The following PEMT variants were observed in gnomAD, a reference collection of about 807,000 sequenced individuals.
The protein encoded by PEMT is phospholipid methyltransferase.
In PEMT, 23 loss-of-function variants were observed where a neutral mutation model predicts 27.4. That is an observed-to-expected ratio of 0.84 (90% CI 0.60 to 1.19). The LOEUF (loss-of-function observed/expected upper bound fraction) is 1.19. Among genes scored for constraint, PEMT ranks in the 50% most tolerant of loss-of-function variants. PEMT has a pLI of 0.00. For missense variants in PEMT, 307 were observed against 310.1 expected, an observed-to-expected ratio of 0.99 and a Z score of 0.07; for synonymous variants, 137 against 139.1, an observed-to-expected ratio of 0.98 and a Z score of 0.11.
chr17:17,536,510 C>A (rs1186106818), intron 2 of PEMT, among the ~76,000 whole-genome samples: 3 of 152,244 alleles, frequency 2.0e-5, no homozygotes, highest in Non-Finnish European at 1.5e-5. Flanking sequence ...CAGTCCCCAA[C>A]CTTCCTCCTG....
In PEMT at chr17:17,582,790, G is replaced by A. The variant is rs1390099186; in HGVS notation, c.97-5763C>T. The stretch of plus-strand genomic sequence containing the variant: ...TCTAAGTTTATTCTCTGGGCCGGGC[G>A]CGATGGCTCACCCCCGTAATCCCAG... On this transcript the variant is annotated intron_variant, in intron 1 of 6. Transcript: ENST00000255389. This position sits in a 1 kb window ranked among gnomAD's most constrained non-coding sequence, Gnocchi z 4.9. Among the ~76,000 whole-genome samples the A allele has an allele frequency of 1.3e-5, 2 of 152,180 alleles. No homozygotes were observed. Among genetic ancestry groups the A allele is most frequent in the Admixed American group, 6.5e-5 (1 of 15,272 alleles).
At chr17:17,528,650 A>G (rs1030333564) in intron 2 of PEMT, among the ~76,000 whole-genome samples, 1 of 152,192 alleles carries the variant, frequency 6.6e-6, no homozygotes, top group Middle Eastern at 3.2e-3. Context: ...GAGTCTGCCC[A>G]TGACTCCTGT....
At chr17:17,585,074 A>G (rs1912172906) in intron 1 of PEMT, among the ~76,000 whole-genome samples, 2 of 152,200 alleles carry the variant, frequency 1.3e-5, no homozygotes, top group African/African-American at 4.8e-5. Flanking sequence ...GCGGTGGCTC[A>G]CGCCTGTAAT....
intron 5 of PEMT, chr17:17,506,948 C>G: frequency 1.7e-6 from 1 of 574,716 alleles, no homozygotes; most frequent in Non-Finnish European, 3.1e-6. Context: ...CCCGGTCACC[C>G]CAGCCCAGAG....
intron 1 of PEMT, chr17:17,577,513 G>A (rs1597960597): frequency 1.0e-6 from 1 of 1,001,674 alleles, no homozygotes; most frequent in East Asian, 9.9e-5. Context: ...GTGTGAGTGG[G>A]GCGGGGTAAA....
chr17:17,576,862 T>A, intron 2 of PEMT, 58 bp downstream of exon 2: 1 of 1,366,728 alleles, frequency 7.3e-7, no homozygotes, highest in Non-Finnish European at 1.0e-6. Context: ...CCCCTGCATG[T>A]GGGGCTCACC....
At chr17:17,506,941 G>A (rs550789131) in intron 5 of PEMT, 5 of 546,796 alleles carry the variant, frequency 9.1e-6, no homozygotes, top group South Asian at 4.9e-5. Context: ...AGGAGCCCCC[G>A]GTCACCCCAG....
At chr17:17,520,596 G>C (rs553062025) in intron 3 of PEMT, among the ~76,000 whole-genome samples, 12 of 152,368 alleles carry the variant, frequency 7.9e-5, no homozygotes, top group African/African-American at 2.6e-4. Flanking sequence ...AGGCTGTGCA[G>C]ACGCACAGGC....
chr17:17,578,933 A>T (rs957889841), intron 1 of PEMT, among the ~76,000 whole-genome samples: 15 of 152,306 alleles, frequency 9.8e-5, no homozygotes, highest in African/African-American at 2.2e-4. Flanking sequence ...AATAATAAAA[A>T]TTTTTTTAAA....
intron 2 of PEMT, among the ~76,000 whole-genome samples, chr17:17,525,983 A>C (rs1370210091): frequency 7.3e-6 from 1 of 137,226 alleles, no homozygotes; most frequent in Non-Finnish European, 1.6e-5. Flanking sequence ...GACAGAGCGA[A>C]ACTCTGTATC....
intron 2 of PEMT, among the ~76,000 whole-genome samples, chr17:17,529,185 T>G (rs1597894362): frequency 6.6e-6 from 1 of 152,308 alleles, no homozygotes; most frequent in African/African-American, 2.4e-5. Context: ...CCCTCTGCTC[T>G]GCACACGCTA....
At chr17:17,581,236 C>T (rs576068930) in intron 1 of PEMT, among the ~76,000 whole-genome samples, 12 of 152,304 alleles carry the variant, frequency 7.9e-5, no homozygotes, top group African/African-American at 2.6e-4. Context: ...CGATGTTAGT[C>T]ACCTTAGCTG....
chr17:17,507,256 A>G (rs1219540719), intron 5 of PEMT: 2 of 1,425,250 alleles, frequency 1.4e-6, no homozygotes, highest in African/African-American at 2.9e-5. Context: ...GGAGGAAAGG[A>G]GCTGTCTGGC....
At position 17,561,855 on chromosome 17, in the gene PEMT, C is replaced by T. The variant is rs1282661803; in HGVS notation, c.204+15065G>A. Reference sequence around the variant, plus strand: ...CCTCACGCGGACGCCCCACGTGCGGCCTGACCCACAGGAAGTCCAGTCATA... The same window carrying T: ...CCTCACGCGGACGCCCCACGTGCGGTCTGACCCACAGGAAGTCCAGTCATA... On this transcript the variant is annotated intron_variant, in intron 2 of 6. Coordinates refer to ENST00000255389, the MANE Select transcript of PEMT (RefSeq NM_148172.3). This position sits in a 1 kb window ranked among gnomAD's most constrained non-coding sequence, Gnocchi z 4.5. Among the ~76,000 whole-genome samples the T allele has an allele frequency of 2.0e-5, 3 of 152,240 alleles. No individual in the cohort carries two copies. The highest frequency in any genetic ancestry group is 7.2e-5 in the African/African-American group (3 of 41,472).
At chr17:17,577,533 T>C (rs1597960646) in intron 1 of PEMT, 2 of 992,882 alleles carry the variant, frequency 2.0e-6, no homozygotes. Context: ...ACTGAAAAAG[T>C]GTGTGCCCAC....
At chr17:17,547,728 G>A (rs1218506133) in intron 2 of PEMT, among the ~76,000 whole-genome samples, 2 of 152,034 alleles carry the variant, frequency 1.3e-5, no homozygotes, top group Non-Finnish European at 2.9e-5. Flanking sequence ...GCCCTACCCT[G>A]TGCATCTCCT....
intron 3 of PEMT, among the ~76,000 whole-genome samples, chr17:17,519,811 C>G (rs57833789): frequency 6.6e-6 from 1 of 152,344 alleles, no homozygotes; most frequent in East Asian, 1.9e-4. Context: ...CAGAACTCAG[C>G]AGAGACTCAG....
intron 3 of PEMT, among the ~76,000 whole-genome samples, chr17:17,521,567 A>T (rs1251311352): frequency 6.6e-6 from 1 of 151,922 alleles, no homozygotes; most frequent in African/African-American, 2.4e-5. Context: ...TTTCTTTTAA[A>T]AAAAAAAAAA....
At chr17:17,546,669 G>A (rs1162044412) in intron 2 of PEMT, among the ~76,000 whole-genome samples, 2 of 152,210 alleles carry the variant, frequency 1.3e-5, no homozygotes, top group Non-Finnish European at 2.9e-5. Flanking sequence ...CGACCCTGGG[G>A]AGCCTCCCTG....
Sources: allele counts gnomAD v4.1 joint callset (sites outside exome capture counted in the v4.1 genomes callset), GRCh38; gene constraint gnomAD v4.1.1; non-coding constraint Gnocchi (gnomAD v3.1); transcripts MANE v1.5; gene names NCBI Gene and HGNC (gene_info 2026-07-23, HGNC 2026-07-21).